LRMDA: variants seen among roughly 807,000 people sequenced by gnomAD.
LRMDA encodes leucine rich melanocyte differentiation associated.
In LRMDA, 18 loss-of-function variants were observed where a neutral mutation model predicts 29.8. The observed-to-expected ratio is 0.60, with a 90% CI of 0.42 to 0.90. The LOEUF is 0.90. LRMDA is among the 40% of genes least tolerant of loss of function. The pLI is 0.00. For synonymous variants in LRMDA, 125 were observed against 109.4 expected (o/e 1.14, Z -0.89); for missense variants, 273 against 273.9 (o/e 1.00, Z 0.02).
At chr10:75,458,834 A>G (rs1844551090) in intron 2 of LRMDA, among the ~76,000 whole-genome samples, 1 of 152,132 alleles carries the variant, frequency 6.6e-6, no homozygotes, top group Non-Finnish European at 1.5e-5. Context: ...TTCATGTAGT[A>G]TCAAAAGGAA....
intron 5 of LRMDA, among the ~76,000 whole-genome samples, chr10:76,226,116 C>G (rs1442550922): frequency 4.6e-5 from 7 of 151,932 alleles, no homozygotes. Context: ...TTTCTTAATC[C>G]AGAGACTGGA....
At chr10:75,740,366 T>C (rs1842814746) in intron 2 of LRMDA, among the ~76,000 whole-genome samples, 1 of 152,118 alleles carries the variant, frequency 6.6e-6, no homozygotes, top group Admixed American at 6.5e-5. Flanking sequence ...GCATCACTGG[T>C]CATCACAGGC....
intron 2 of LRMDA, among the ~76,000 whole-genome samples, chr10:76,014,444 G>A (rs997571404): frequency 6.6e-6 from 1 of 151,744 alleles, no homozygotes; most frequent in Non-Finnish European, 1.5e-5. Flanking sequence ...TAAATGACTT[G>A]CTCTCACATC....
intron 2 of LRMDA, among the ~76,000 whole-genome samples, chr10:75,644,633 G>A (rs1346000426): frequency 6.6e-6 from 1 of 152,148 alleles, no homozygotes; most frequent in Non-Finnish European, 1.5e-5. Context: ...TCCAGGGAAG[G>A]ATGCAGGCAG....
intron 6 of LRMDA, among the ~76,000 whole-genome samples, chr10:76,371,416 T>C (rs1307305709): frequency 1.3e-5 from 2 of 151,532 alleles, no homozygotes; most frequent in African/African-American, 4.9e-5. Context: ...ACACACTTTA[T>C]TTTTTTTTCT....
intron 6 of LRMDA, among the ~76,000 whole-genome samples, chr10:76,360,414 C>T (rs1193498702): frequency 6.6e-6 from 1 of 152,050 alleles, no homozygotes; most frequent in East Asian, 1.9e-4. Context: ...GATACAGGGG[C>T]TATATCTTTA....
chr10:76,236,660 A>G (rs2132278735), intron 5 of LRMDA, among the ~76,000 whole-genome samples: 1 of 152,296 alleles, frequency 6.6e-6, no homozygotes, highest in South Asian at 2.1e-4. Flanking sequence ...GCCTATGACC[A>G]AACTTCTTTT....
chr10:75,438,403 A>G lies in LRMDA; in HGVS notation c.40A>G (p.Ile14Val), dbSNP rs763882006. 12 of 1,550,808 alleles carry G rather than the reference A, an allele frequency of 7.7e-6. No individual in the cohort carries two copies. The highest frequency in any genetic ancestry group is 2.7e-5 in the African/African-American group (2 of 73,056). Residue 14 changes from isoleucine (I) to valine (V), a missense_variant, in exon 2 of 7, where the codon ATA (isoleucine) becomes GTA (valine). Ile to Val is a conservative substitution (Grantham distance 29). Transcript: ENST00000611255. ...TCCATTTAATTTCCAGGTGTCCTAC[A>G]TAGGCCAGGACTGCAGAGAAATTCC... ...LVVRGTQVSY[I>V]GQDCREIPEH...
intron 6 of LRMDA, among the ~76,000 whole-genome samples, chr10:76,434,377 A>ACTCCCTCTTTCT (rs1286539977): frequency 7.1e-6 from 1 of 140,750 alleles, no homozygotes; most frequent in Non-Finnish European, 1.5e-5. Flanking sequence ...CTATCTCTTC[A>ACTCCCTCTTTCT]CTCCCTCTTT....
chr10:75,452,575 CTTTTTTTTT>C lies in LRMDA; in HGVS notation c.131+14091_131+14099del, dbSNP rs10636455. On this transcript the variant is annotated intron_variant, in intron 2 of 6. Transcript: ENST00000611255. ...AAAACTCAGTGATTTCAGGATATGA[CTTTTTTTTT>C]TTTTTTTTTAATGTATCCAGTATCC... Among the ~76,000 whole-genome samples, 732 of 117,328 alleles carry C rather than the reference CTTTTTTTTT, an allele frequency of 6.2e-3. 10 individuals carry two copies. Among genetic ancestry groups the C allele is most frequent in the African/African-American group, 0.023 (695 of 30,604 alleles). The allele number at this position is 117,328 out of a possible 152,430, so 77.0% of individuals were successfully genotyped here. A position where few individuals can be genotyped will look rare whatever the true frequency, so the allele number is the denominator to read the frequency against.
intron 5 of LRMDA, among the ~76,000 whole-genome samples, chr10:76,242,842 CT>C (rs996915013): frequency 2.0e-5 from 3 of 152,156 alleles, no homozygotes; most frequent in African/African-American, 7.2e-5. Flanking sequence ...AGAAGGGTTC[CT>C]TGTACTTTAT....
intron 5 of LRMDA, among the ~76,000 whole-genome samples, chr10:76,168,931 A>G (rs1898096): frequency 0.19 from 29,288 of 152,220 alleles, 3,263 homozygotes; most frequent in East Asian, 0.52. Context: ...GAACAAAAGC[A>G]AAGTGAAGTT....
At chr10:75,951,977 T>C (rs1008322245) in intron 2 of LRMDA, among the ~76,000 whole-genome samples, 37 of 152,266 alleles carry the variant, frequency 2.4e-4, no homozygotes, top group African/African-American at 5.8e-4. Flanking sequence ...GGAGGGCCTT[T>C]TAATAAAATG....
intron 5 of LRMDA, among the ~76,000 whole-genome samples, chr10:76,316,033 C>T (rs989825796): frequency 9.9e-5 from 15 of 152,178 alleles, no homozygotes; most frequent in Admixed American, 6.5e-5. Flanking sequence ...CCTCATTCTT[C>T]CTGGATGCAG....
chr10:75,466,169 G>A (rs1252105645), intron 2 of LRMDA, among the ~76,000 whole-genome samples: 1 of 152,222 alleles, frequency 6.6e-6, no homozygotes, highest in Non-Finnish European at 1.5e-5. Flanking sequence ...AGAACCATAA[G>A]CAATTATTAA....
chr10:75,638,767 G>T (rs532437492), intron 2 of LRMDA, among the ~76,000 whole-genome samples: 1 of 152,330 alleles, frequency 6.6e-6, no homozygotes, highest in Non-Finnish European at 1.5e-5. Flanking sequence ...ATTTGGAATA[G>T]TTCCTTGCTT....
At chr10:76,284,659 T>C (rs543720532) in intron 5 of LRMDA, among the ~76,000 whole-genome samples, 1 of 152,330 alleles carries the variant, frequency 6.6e-6, no homozygotes, top group South Asian at 2.1e-4. Context: ...AGATAGGGAC[T>C]GATATGGTTT....
At chr10:75,701,051 T>A (rs1842302265) in intron 2 of LRMDA, among the ~76,000 whole-genome samples, 2 of 152,156 alleles carry the variant, frequency 1.3e-5, no homozygotes, top group African/African-American at 4.8e-5. Flanking sequence ...GAGCAGAAAG[T>A]GCGATAGAGA....
intron 6 of LRMDA, among the ~76,000 whole-genome samples, chr10:76,434,528 C>G (rs1842225402): frequency 6.6e-6 from 1 of 152,250 alleles, no homozygotes; most frequent in African/African-American, 2.4e-5. Flanking sequence ...ACTTAGCTAA[C>G]CCATAAATCC....
Sources: allele counts gnomAD v4.1 joint callset (sites outside exome capture counted in the v4.1 genomes callset), GRCh38; gene constraint gnomAD v4.1.1; transcripts MANE v1.5; gene names NCBI Gene and HGNC (gene_info 2026-07-23, HGNC 2026-07-21).